The following DHRSX variants were observed in gnomAD, a reference collection of about 807,000 sequenced individuals.
DHRSX encodes the protein polyprenol dehydrogenase.
In DHRSX, 31 loss-of-function variants were observed where a neutral mutation model predicts 34.0. The ratio of observed to expected loss-of-function variants is 0.91; its 90% CI spans 0.69 to 1.23. The LOEUF (loss-of-function observed/expected upper bound fraction) is 1.23, where lower values mean the gene tolerates loss of function less well. Ranked by LOEUF, DHRSX falls within the 50% of genes most tolerant of loss-of-function variation. The probability of loss-of-function intolerance (pLI) is 0.00; values close to 1 mark genes in which losing one functional copy is unlikely to be tolerated. For synonymous variants in DHRSX, 201 were observed against 183.8 expected, an observed-to-expected ratio of 1.09 and a Z score of -0.76; for missense variants, 414 against 428.1, an observed-to-expected ratio of 0.97 and a Z score of 0.29.
intron 1 of DHRSX, among the ~76,000 whole-genome samples, chrX:2,449,143 C>T (rs1371050714): frequency 4.6e-5 from 7 of 151,364 alleles, no homozygotes; most frequent in Non-Finnish European, 7.4e-5. Flanking sequence ...GAGCTAAGAT[C>T]GCACCACTGC....
chrX:2,388,991 C>T (rs190513815), intron 3 of DHRSX, among the ~76,000 whole-genome samples: 60 of 152,338 alleles, frequency 3.9e-4, no homozygotes, highest in Admixed American at 1.4e-3. Flanking sequence ...CCTACCGACA[C>T]GGTGACCTCA....
intron 1 of DHRSX, among the ~76,000 whole-genome samples, chrX:2,425,536 C>T (rs1265616721): frequency 1.8e-4 from 27 of 152,118 alleles, no homozygotes. Flanking sequence ...CCTGTCATCC[C>T]CTGTGAGTCC....
intron 5 of DHRSX, among the ~76,000 whole-genome samples, chrX:2,259,290 A>C (rs2041322488): frequency 6.8e-6 from 1 of 147,854 alleles, no homozygotes; most frequent in Admixed American, 6.8e-5. Context: ...AAATATATAG[A>C]TAGATATATA....
rs762797290 is a variant in DHRSX at position 2,462,959 on chromosome X, T to G, written c.110-37655A>C. Among the ~76,000 whole-genome samples the G allele has an allele frequency of 2.7e-3, 404 of 152,224 alleles. 2 individuals are homozygous for G. The highest frequency in any genetic ancestry group is 4.7e-3 in the Non-Finnish European group (323 of 68,010). ...GGTGGGAGACTTGGGAGGTGATGAC[T>G]TCATGGGGATCAAGCCTCATGAATA... On this transcript the variant is annotated intron_variant, in intron 1 of 6. Transcript: ENST00000334651.
intron 1 of DHRSX, among the ~76,000 whole-genome samples, chrX:2,440,577 G>C (rs2044050425): frequency 6.6e-6 from 1 of 151,828 alleles, no homozygotes; most frequent in Non-Finnish European, 1.5e-5. Context: ...ACCCAGGCTG[G>C]AGTGCAGTGG....
chrX:2,385,427 G>A (rs1380750955), intron 3 of DHRSX, among the ~76,000 whole-genome samples: 4 of 150,738 alleles, frequency 2.7e-5, no homozygotes, highest in Admixed American at 6.6e-5. Flanking sequence ...TCATTCCATA[G>A]CCACAGCAGG....
At chrX:2,440,312 C>T (rs2044046707) in intron 1 of DHRSX, among the ~76,000 whole-genome samples, 3 of 151,146 alleles carry the variant, frequency 2.0e-5, no homozygotes, top group African/African-American at 7.3e-5. Flanking sequence ...CCAAACCTCC[C>T]ATCTCAGCCT....
At chrX:2,489,984 T>C in intron 1 of DHRSX, 4 of 1,613,850 alleles carry the variant, frequency 2.5e-6, no homozygotes, top group Non-Finnish European at 2.5e-6. Flanking sequence ...CGCGTGATGG[T>C]CTCCGCCGTG....
chrX:2,271,276 A>C (rs1324822778), intron 4 of DHRSX, among the ~76,000 whole-genome samples: 2 of 152,100 alleles, frequency 1.3e-5, no homozygotes, highest in Non-Finnish European at 2.9e-5. Flanking sequence ...CCTAACACTC[A>C]CCGTGAGGGT....
intron 3 of DHRSX, among the ~76,000 whole-genome samples, chrX:2,368,201 G>T (rs967161707): frequency 6.7e-5 from 10 of 149,060 alleles, no homozygotes; most frequent in Non-Finnish European, 1.0e-4. Context: ...CAAGATTGTG[G>T]CACTGAACTC....
At chrX:2,225,127 C>T (rs1432958795) in intron 6 of DHRSX, among the ~76,000 whole-genome samples, 1 of 148,972 alleles carries the variant, frequency 6.7e-6, no homozygotes, top group Non-Finnish European at 1.5e-5. Context: ...CACACTCATT[C>T]ACATGCACTC....
chrX:2,305,680 G>C (rs930176247), intron 3 of DHRSX, among the ~76,000 whole-genome samples: 2 of 152,106 alleles, frequency 1.3e-5, no homozygotes, highest in African/African-American at 2.4e-5. Flanking sequence ...ATGAGTTCAT[G>C]TGCTTTGCAG....
intron 3 of DHRSX, among the ~76,000 whole-genome samples, chrX:2,373,896 TGAGA>T (rs1188264412): frequency 6.6e-6 from 1 of 151,706 alleles, no homozygotes; most frequent in Non-Finnish European, 1.5e-5. Context: ...GGCACACAGG[TGAGA>T]GAGTGGGGGA....
At chrX:2,363,107 G>A (rs868466558) in intron 3 of DHRSX, among the ~76,000 whole-genome samples, 88 of 112,108 alleles carry the variant, frequency 7.8e-4, no homozygotes, top group Middle Eastern at 0.014. Flanking sequence ...GTATCATGCC[G>A]CCATTTTATC....
At position 2,404,427 on chromosome X, in the gene DHRSX, A is replaced by T. The variant is rs915226526; in HGVS notation, c.286+4318T>A. 2.6e-5 allele frequency among the ~76,000 whole-genome samples: 4 copies of T among 152,320 alleles called. No homozygotes were observed. The East Asian group carries it at 5.8e-4, about 22-fold the overall frequency. ...ATGAAACAGGAATTTTAAAAAATTT[A>T]AAAATGTATAAGCAAAAACTCAGTT... On this transcript the variant is annotated intron_variant, in intron 3 of 6. Transcript: ENST00000334651.
intron 1 of DHRSX, among the ~76,000 whole-genome samples, chrX:2,477,559 G>A (rs751547545): frequency 6.6e-6 from 1 of 152,318 alleles, no homozygotes; most frequent in South Asian, 2.1e-4. Flanking sequence ...AAGAAAGAAA[G>A]GTGCGGCCAG....
chrX:2,274,096 G>C (rs2041593167), intron 4 of DHRSX, among the ~76,000 whole-genome samples: 1 of 152,266 alleles, frequency 6.6e-6, no homozygotes, highest in East Asian at 1.9e-4. Context: ...GGAGTGCAGT[G>C]TTGTGATGTC....
At chrX:2,252,925 A>G (rs1012901782) in intron 5 of DHRSX, among the ~76,000 whole-genome samples, 1 of 149,228 alleles carries the variant, frequency 6.7e-6, no homozygotes, top group Non-Finnish European at 1.5e-5. Context: ...TGGCTCGCGC[A>G]TGTAATCTGA....
chrX:2,490,135 G>A, intron 1 of DHRSX: 1 of 1,613,938 alleles, frequency 6.2e-7, no homozygotes, highest in African/African-American at 1.3e-5. Context: ...CGGTGGAGAT[G>A]CCACACCAGG....
Sources: gnomAD v4.1 joint callset for allele counts (sites outside exome capture counted in the v4.1 genomes callset) on GRCh38, gnomAD v4.1.1 for gene constraint, MANE v1.5 for transcripts, NCBI Gene and HGNC (gene_info 2026-07-23, HGNC 2026-07-21) for gene names.